CYP2J2: variants seen among roughly 807,000 people sequenced by gnomAD.
CYP2J2 encodes cytochrome P450 family 2 subfamily J member 2.
A neutral mutation model predicts 48.8 loss-of-function variants in CYP2J2; 41 were observed. That is an observed-to-expected ratio of 0.84 (90% CI 0.66 to 1.09). CYP2J2 has a LOEUF of 1.09. CYP2J2 is among the 50% of genes least tolerant of loss of function. CYP2J2 has a pLI of 0.00. For missense variants in CYP2J2, 644 were observed against 617.3 expected (o/e 1.04, Z -0.46); for synonymous variants, 221 against 227.1 (o/e 0.97, Z 0.24).
the CYP2J2 span, among the ~76,000 whole-genome samples, chr1:59,935,529 A>G: frequency 6.6e-5 from 10 of 152,218 alleles, no homozygotes; most frequent in African/African-American, 2.2e-4. Flanking sequence ...GAATATATAC[A>G]AATTTTATTT....
intron 1 of CYP2J2, among the ~76,000 whole-genome samples, chr1:59,918,369 A>C (rs1458794310): frequency 6.6e-6 from 1 of 152,192 alleles, no homozygotes; most frequent in East Asian, 1.9e-4. Context: ...CTTGGGAGGG[A>C]TTCAGAACTC....
chr1:59,958,760 G>A, the CYP2J2 span, among the ~76,000 whole-genome samples: 8 of 152,060 alleles, frequency 5.3e-5, no homozygotes, highest in East Asian at 1.9e-4. Context: ...CCTCCTTACC[G>A]TCAAGAATCT....
upstream of CYP2J2, among the ~76,000 whole-genome samples, chr1:59,930,940 C>T (rs1644599887): frequency 6.6e-6 from 1 of 152,138 alleles, no homozygotes; most frequent in African/African-American, 2.4e-5. Flanking sequence ...CGTATTTCTT[C>T]TCCTTTCTCC....
intron 1 of CYP2J2, 26 bp downstream of exon 1, chr1:59,926,511 C>T (rs751975458): frequency 2.5e-5 from 40 of 1,593,000 alleles, no homozygotes; most frequent in Middle Eastern, 3.3e-4. Flanking sequence ...GGTCAGGACA[C>T]GCTAGGCACC....
At chr1:59,962,129 CAAT>C in the CYP2J2 span, among the ~76,000 whole-genome samples, 1 of 151,804 alleles carries the variant, frequency 6.6e-6, no homozygotes, top group Non-Finnish European at 1.5e-5. Flanking sequence ...GTAGATATCT[CAAT>C]AAAGCTGTGG....
chr1:59,948,738 T>G, the CYP2J2 span, among the ~76,000 whole-genome samples: 1 of 152,376 alleles, frequency 6.6e-6, no homozygotes, highest in Non-Finnish European at 1.5e-5. Context: ...ACCTTCAGTT[T>G]ATTTGGGTAT....
At chr1:59,937,978 C>T in the CYP2J2 span, among the ~76,000 whole-genome samples, 4 of 152,078 alleles carry the variant, frequency 2.6e-5, no homozygotes, top group Non-Finnish European at 4.4e-5. Flanking sequence ...TCCTTCTCTG[C>T]GTTATCTTGA....
chr1:59,967,222 C>A, the CYP2J2 span, among the ~76,000 whole-genome samples: 1 of 152,238 alleles, frequency 6.6e-6, no homozygotes, highest in East Asian at 1.9e-4. Flanking sequence ...GAACAAATCT[C>A]CAGGCCATGT....
At chr1:59,957,068 C>G in the CYP2J2 span, among the ~76,000 whole-genome samples, 2 of 152,138 alleles carry the variant, frequency 1.3e-5, no homozygotes, top group African/African-American at 4.8e-5. Context: ...TGACAGAGCC[C>G]CCCACTTGGG....
chr1:59,954,591 G>GGT, the CYP2J2 span, among the ~76,000 whole-genome samples: 11 of 147,856 alleles, frequency 7.4e-5, no homozygotes, highest in African/African-American at 2.8e-4. Flanking sequence ...GGTGGGTCGG[G>GGT]GGGGGATGCA....
At chr1:59,920,839 C>T (rs1378206579) in intron 1 of CYP2J2, among the ~76,000 whole-genome samples, 1 of 152,118 alleles carries the variant, frequency 6.6e-6, no homozygotes, top group African/African-American at 2.4e-5. Context: ...ATTTTATAGA[C>T]TTTATTAGTT....
chr1:59,928,168 G>A (rs1041180285), upstream of CYP2J2, among the ~76,000 whole-genome samples: 1 of 152,056 alleles, frequency 6.6e-6, no homozygotes, highest in Non-Finnish European at 1.5e-5. Flanking sequence ...TGGACGTCAG[G>A]TTTGTTATAT....
At chr1:59,934,132 G>A in the CYP2J2 span, among the ~76,000 whole-genome samples, 10 of 152,144 alleles carry the variant, frequency 6.6e-5, no homozygotes, top group African/African-American at 2.2e-4. Flanking sequence ...ACTACATAAC[G>A]GGGAAAGGAC....
chr1:59,926,474 G>A, intron 1 of CYP2J2, 63 bp downstream of exon 1: 5 of 1,438,852 alleles, frequency 3.5e-6, no homozygotes, highest in South Asian at 1.1e-5. Context: ...TTGCCGGAAC[G>A]TCCCTTGTGC....
chr1:59,959,037 G>A, the CYP2J2 span, among the ~76,000 whole-genome samples: 1 of 151,734 alleles, frequency 6.6e-6, no homozygotes. Context: ...TGTTCATCTG[G>A]CCCTGCTCCT....
the CYP2J2 span, among the ~76,000 whole-genome samples, chr1:59,932,654 C>T: frequency 6.6e-6 from 1 of 151,116 alleles, no homozygotes; most frequent in Non-Finnish European, 1.5e-5. Flanking sequence ...AGGAAGAATA[C>T]CAGAGAAGAG....
In CYP2J2 at chr1:59,912,292, G is replaced by T; in HGVS notation, c.393C>A (p.Gly131=). 1 of 1,613,056 alleles carries T rather than the reference G, an allele frequency of 6.2e-7. No homozygotes were observed. Among genetic ancestry groups the T allele is most frequent in the Non-Finnish European group, 8.5e-7 (1 of 1,179,578 alleles). The change falls in exon 3 of 9, where the codon GGC becomes GGA. Residue 131 remains glycine (G), a synonymous_variant. Transcript: ENST00000371204. ...FKKNGLIMSS[G]QAWKEQRRFT... ...ACCTTCTTTGCTCCTTCCATGCCTG[G>T]CCACTTGACATAATCAATCCTGGGA... is the stretch of plus-strand genomic sequence containing the variant.
intron 8 of CYP2J2, among the ~76,000 whole-genome samples, chr1:59,897,367 C>G (rs751071957): frequency 6.6e-6 from 1 of 152,246 alleles, no homozygotes; most frequent in African/African-American, 2.4e-5. Context: ...CAAAACTAAA[C>G]TTATCTCATT....
At position 59,900,985 on chromosome 1, in the gene CYP2J2, G is replaced by A. The variant is rs1291443294; in HGVS notation, c.1310C>T (p.Ala437Val). Reference sequence around the variant, plus strand: ...CTTACCTATTGAGAAAGGCATAAAGGCTTCCCTTTTCTTAAACTGTCCATT... The same window carrying A: ...CTTACCTATTGAGAAAGGCATAAAGACTTCCCTTTTCTTAAACTGTCCATT... ...LENGQFKKREAFMPFSIGKRA... is the reference protein window; with the variant it reads ...LENGQFKKREVFMPFSIGKRA... The change falls in exon 8 of 9, where the codon GCC becomes GTC. Residue 437 changes from alanine to valine, a missense_variant. Coordinates refer to ENST00000371204, the MANE Select transcript of CYP2J2 (RefSeq NM_000775.4). 6.2e-7 allele frequency: 1 copy of A among 1,614,096 alleles called. No homozygotes were observed. The highest frequency in any genetic ancestry group is 1.7e-5 in the Admixed American group (1 of 60,018).
Sources: allele counts gnomAD v4.1 joint callset (sites outside exome capture counted in the v4.1 genomes callset), GRCh38; gene constraint gnomAD v4.1.1; transcripts MANE v1.5; gene names NCBI Gene and HGNC (gene_info 2026-07-23, HGNC 2026-07-21).